Variants in MPPED1 observed in about 807,000 individuals in gnomAD.
MPPED1 encodes metallophosphoesterase domain containing 1, also known as metallophosphoesterase domain-containing protein 1.
MPPED1 carries 16 observed loss-of-function variants against 36.2 expected under a neutral mutation model. The observed-to-expected ratio is 0.44, with a 90% confidence interval of 0.30 to 0.67. The LOEUF is 0.67. Among genes scored for constraint, MPPED1 ranks in the 30% least tolerant of loss-of-function variants. The probability of loss-of-function intolerance (pLI) is 0.10; values close to 1 mark genes in which losing one functional copy is unlikely to be tolerated. For missense variants in MPPED1, 307 were observed against 453.4 expected, an observed-to-expected ratio of 0.68 and a Z score of 2.93; for synonymous variants, 199 against 191.3, an observed-to-expected ratio of 1.04 and a Z score of -0.33.
At chr22:43,441,363 A>G (rs1290620149) in intron 3 of MPPED1, among the ~76,000 whole-genome samples, 1 of 151,890 alleles carries the variant, frequency 6.6e-6, no homozygotes, top group Non-Finnish European at 1.5e-5. Flanking sequence ...CCACTGTGTC[A>G]CCTGCTGAGC....
At chr22:43,412,335 C>A (rs994169282) in intron 1 of MPPED1, among the ~76,000 whole-genome samples, 177 bp downstream of exon 1, 1 of 151,082 alleles carries the variant, frequency 6.6e-6, no homozygotes, top group Non-Finnish European at 1.5e-5. Flanking sequence ...CCAGCTGCCC[C>A]GCCTGCCTAG....
intron 3 of MPPED1, among the ~76,000 whole-genome samples, chr22:43,436,193 G>A (rs1297310537): frequency 6.6e-6 from 1 of 152,248 alleles, no homozygotes; most frequent in Non-Finnish European, 1.5e-5. Flanking sequence ...TCACAGTGAG[G>A]CATCTCTGTC....
chr22:43,451,535 T>A (rs545780901), intron 3 of MPPED1, among the ~76,000 whole-genome samples: 2 of 152,214 alleles, frequency 1.3e-5, no homozygotes, highest in African/African-American at 4.8e-5. Flanking sequence ...GAAGGCCGTT[T>A]GGAGCTAATT....
At chr22:43,438,852 G>A (rs573228752) in intron 3 of MPPED1, among the ~76,000 whole-genome samples, 8 of 152,242 alleles carry the variant, frequency 5.3e-5, no homozygotes, top group African/African-American at 1.4e-4. Context: ...CCGACAGGGC[G>A]GGAGACCTTT....
At chr22:43,417,956 T>C (rs1929133252) in intron 1 of MPPED1, 1 of 438,630 alleles carries the variant, frequency 2.3e-6, no homozygotes, top group Non-Finnish European at 4.6e-6. Context: ...GGGATGGCTG[T>C]TGGGGGAGAT....
rs71284734 is a variant in MPPED1, at chr22:43,455,115, C to CTT, written c.407-19610_407-19609dup. ...TTCTCTGCCTCTCTGCCTTCATGTC[C>CTT]TTTTTTTTTTTTGAGACGAAGTCTT... On this transcript the variant is annotated intron_variant, in intron 3 of 6. Transcript: ENST00000443721. Among the ~76,000 whole-genome samples the CTT allele has an allele frequency of 4.1e-5, 5 of 122,782 alleles. No homozygotes were observed. In the East Asian group the frequency reaches 8.6e-4, roughly 21 times the overall value. 80.5% of individuals were successfully genotyped at this position (122,782 alleles called of 152,430 possible).
At chr22:43,417,073 G>A (rs895999903) in intron 1 of MPPED1, 2 of 930,126 alleles carry the variant, frequency 2.2e-6, no homozygotes, top group African/African-American at 3.6e-5. Context: ...TGAAGCGGCA[G>A]AGACTGCTGG....
rs1235634948 is a variant in MPPED1, at chr22:43,502,279, G to A, written c.749-365G>A. 6.6e-6 allele frequency among the ~76,000 whole-genome samples: 1 copy of A among 152,142 alleles called. No homozygotes were observed. The highest frequency in any genetic ancestry group is 1.9e-4 in the East Asian group (1 of 5,178). The stretch of plus-strand genomic sequence containing the variant: ...ACTCACCCGTCCCTCTCTGGCCTCC[G>A]TTTGCTGATCTCTGCGGTGGGCGGA... On this transcript the variant is annotated intron_variant, in intron 5 of 6. Transcript: ENST00000443721. This position sits in a 1 kb window ranked among gnomAD's most constrained non-coding sequence, Gnocchi z 5.5.
chr22:43,497,770 T>TTTTTTTTTTTTTTTTTTTTTTTGA (rs1569090439), intron 4 of MPPED1, among the ~76,000 whole-genome samples: 1 of 148,910 alleles, frequency 6.7e-6, no homozygotes, highest in African/African-American at 2.5e-5. Flanking sequence ...TGCTCTCTTT[T>TTTTTTTTTTTTTTTTTTTTTTTGA]GACTGGGGGT....
intron 3 of MPPED1, among the ~76,000 whole-genome samples, chr22:43,446,717 G>A (rs1601965672): frequency 6.6e-6 from 1 of 152,218 alleles, no homozygotes; most frequent in East Asian, 1.9e-4. Context: ...TGAAGTATGA[G>A]CACAGGCCTT....
rs140906095 is a variant in MPPED1, at chr22:43,490,976, C to T, written c.633-7259C>T. ...GTCGGCTCTTCTCCACTAGGAACCGCGGAAGGAAAGCATTTTACTCTGTGA... is the reference window on the plus strand; with the variant it reads ...GTCGGCTCTTCTCCACTAGGAACCGTGGAAGGAAAGCATTTTACTCTGTGA... On this transcript the variant is annotated intron_variant, in intron 4 of 6. Transcript: ENST00000443721. Among the ~76,000 whole-genome samples the T allele has an allele frequency of 9.5e-4, 132 of 138,410 alleles. 1 individual carries two copies. The highest frequency in any genetic ancestry group is 3.4e-3 in the African/African-American group (124 of 36,712). The allele number at this position is 138,410 out of a possible 152,430, so 90.8% of individuals were successfully genotyped here.
At chr22:43,424,887 G>T in intron 1 of MPPED1, 21 bp from the exon 2 acceptor site, 1 of 1,501,014 alleles carries the variant, frequency 6.7e-7, no homozygotes, top group South Asian at 1.2e-5. Flanking sequence ...ACTGTCGCAC[G>T]GTTCTGCTCC....
Position 43,412,043 on chromosome 22 carries a change from GCCGCCGCCGGAGGAGCCCCCGC to G in MPPED1, c.-191_-170del. The G allele has an allele frequency of 6.1e-6, 6 of 979,084 alleles. No homozygotes were observed. Among genetic ancestry groups the G allele is most frequent in the Non-Finnish European group, 7.3e-6 (6 of 827,386 alleles). 60.6% of individuals were successfully genotyped at this position (979,084 alleles called of 1,614,324 possible). On this transcript the variant is annotated 5_prime_UTR_variant, in exon 1 of 7. Transcript: ENST00000443721. Reference sequence around the variant, plus strand: ...GCAGCCTCGGACGCGCGGCGAGGCGGCCGCCGCCGGAGGAGCCCCCGCCCCTGCGCGCCTCCCTCCCGGGAGC... The same window carrying G: ...GCAGCCTCGGACGCGCGGCGAGGCGGCCCTGCGCGCCTCCCTCCCGGGAGC...
intron 2 of MPPED1, among the ~76,000 whole-genome samples, chr22:43,433,210 G>A (rs1426516781): frequency 2.0e-5 from 3 of 152,054 alleles, no homozygotes; most frequent in Non-Finnish European, 4.4e-5. Context: ...TACCCCTGAT[G>A]GAAGCTTCCA....
chr22:43,458,234 C>T (rs1930823252), intron 3 of MPPED1, among the ~76,000 whole-genome samples: 1 of 151,912 alleles, frequency 6.6e-6, no homozygotes, highest in South Asian at 2.1e-4. Context: ...GTGTAGTTGT[C>T]TTTTAAACTG....
intron 4 of MPPED1, among the ~76,000 whole-genome samples, chr22:43,477,540 C>T (rs1335377745): frequency 6.6e-6 from 1 of 152,224 alleles, no homozygotes; most frequent in Non-Finnish European, 1.5e-5. Flanking sequence ...CTGGGCTGCC[C>T]TGGTTGGTGC....
chr22:43,454,051 C>T (rs920183346), intron 3 of MPPED1, among the ~76,000 whole-genome samples: 4 of 152,042 alleles, frequency 2.6e-5, no homozygotes, highest in Non-Finnish European at 5.9e-5. Flanking sequence ...CTCTGTCGCC[C>T]AGGCTGGAGT....
chr22:43,423,100 G>A (rs769004157), intron 1 of MPPED1, among the ~76,000 whole-genome samples: 2 of 152,166 alleles, frequency 1.3e-5, no homozygotes, highest in African/African-American at 2.4e-5. Flanking sequence ...GCCTCCCGAA[G>A]TGCTGGGATT....
intron 3 of MPPED1, among the ~76,000 whole-genome samples, chr22:43,452,981 G>A (rs1158160090): frequency 1.1e-4 from 16 of 142,102 alleles, no homozygotes; most frequent in South Asian, 4.5e-4. Context: ...TTTGATTCTC[G>A]CTCTGTCACC....
Sources: gnomAD v4.1 joint callset for allele counts (sites outside exome capture counted in the v4.1 genomes callset) on GRCh38, gnomAD v4.1.1 for gene constraint, Gnocchi (gnomAD v3.1) non-coding constraint, MANE v1.5 for transcripts, NCBI Gene and HGNC (gene_info 2026-07-23, HGNC 2026-07-21) for gene names.